ERICH6: variants seen among roughly 807,000 people sequenced by gnomAD.
ERICH6 encodes the protein glutamate rich 6.
In ERICH6, 71 loss-of-function variants were observed where a neutral mutation model predicts 71.0. The observed-to-expected ratio is 1.00, with a 90% CI of 0.83 to 1.22. ERICH6 has a LOEUF of 1.22. Among genes scored for constraint, ERICH6 ranks in the 50% most tolerant of loss-of-function variants. ERICH6 has a pLI of 0.00. For synonymous variants in ERICH6, 262 were observed against 278.4 expected, an observed-to-expected ratio of 0.94 and a Z score of 0.59; for missense variants, 808 against 797.2, an observed-to-expected ratio of 1.01 and a Z score of -0.16.
chr3:150,698,718 G>T, intron 3 of ERICH6, 73 bp downstream of exon 3: 2 of 1,240,032 alleles, frequency 1.6e-6, no homozygotes, highest in South Asian at 1.2e-5. Context: ...AGCTGTACTG[G>T]CCTTCTACAC....
At chr3:150,693,033 C>T (rs1414300019) in intron 3 of ERICH6, among the ~76,000 whole-genome samples, 1 of 152,048 alleles carries the variant, frequency 6.6e-6, no homozygotes, top group African/African-American at 2.4e-5. Context: ...TTGCTTAAAA[C>T]GTTGCTGATC....
At chr3:150,676,717 A>C (rs796812129) in intron 10 of ERICH6, among the ~76,000 whole-genome samples, 27 of 152,202 alleles carry the variant, frequency 1.8e-4, no homozygotes, top group African/African-American at 6.3e-4. Context: ...GCTCACTGCT[A>C]TCTCAAACCC....
In ERICH6 at chr3:150,666,894, C is replaced by G. The variant is rs748598903; in HGVS notation, c.1621G>C (p.Ala541Pro). ...PFVSFKPVFL[A>P]LNRYIGVRIL... is the part of the protein sequence containing the mutation. ...CGGACTCCAATATAACGGTTCAAAGCCAGAAAGACAGGTTTAAATGAAACA... is the reference window on the plus strand; with the variant it reads ...CGGACTCCAATATAACGGTTCAAAGGCAGAAAGACAGGTTTAAATGAAACA... The change falls in exon 13 of 14, where the codon GCT (alanine) becomes CCT (proline). Residue 541 changes from alanine (A) to proline (P), a missense_variant. By Grantham distance (27) the Ala-to-Pro change is conservative. This residue lies in a region of ERICH6 where 736 missense variants were observed against 712.2 expected (regional missense o/e 1.03). Transcript: ENST00000295910. 1 of 1,614,010 alleles carries G rather than the reference C, an allele frequency of 6.2e-7. No individual in the cohort carries two copies. Among genetic ancestry groups the G allele is most frequent in the Admixed American group, 1.7e-5 (1 of 60,004 alleles).
intron 10 of ERICH6, among the ~76,000 whole-genome samples, chr3:150,677,144 T>C (rs375877623): frequency 6.6e-6 from 1 of 152,158 alleles, no homozygotes; most frequent in South Asian, 2.1e-4. Context: ...GATTTTGCTA[T>C]GTTGCTCAGG....
In ERICH6 at chr3:150,666,911, A is replaced by G. The variant is rs1386652297; in HGVS notation, c.1604T>C (p.Phe535Ser). Residue 535 changes from phenylalanine to serine, a missense_variant, in exon 13 of 14, where the codon TTT becomes TCT. By Grantham distance (155) the Phe-to-Ser change is radical. Around this residue, in one of 3 missense-constraint regions of ERICH6, gnomAD observed 736 missense variants for 712.2 expected, o/e 1.03. Transcript: ENST00000295910. ...GTTCAAAGCCAGAAAGACAGGTTTA[A>G]ATGAAACAAAGGGTGAGGAAGTGAT... ...NSITSSPFVS[F>S]KPVFLALNRY... The G allele has an allele frequency of 6.2e-7, 1 of 1,614,190 alleles. No individual in the cohort carries two copies. The highest frequency in any genetic ancestry group is 1.7e-5 in the Admixed American group (1 of 60,022).
intron 3 of ERICH6, among the ~76,000 whole-genome samples, chr3:150,690,904 T>C (rs1258493192): frequency 6.6e-6 from 1 of 152,216 alleles, no homozygotes; most frequent in Non-Finnish European, 1.5e-5. Flanking sequence ...TTTAGTAAGA[T>C]TACCATAACT....
chr3:150,676,564 T>C (rs756915181), intron 10 of ERICH6, among the ~76,000 whole-genome samples: 1 of 152,190 alleles, frequency 6.6e-6, no homozygotes, highest in South Asian at 2.1e-4. Flanking sequence ...AAGGTGGAAT[T>C]AGTGACCGTC....
chr3:150,678,578 A>G (rs767326448), intron 9 of ERICH6, 24 bp from the exon 10 acceptor site: 1 of 1,560,900 alleles, frequency 6.4e-7, no homozygotes, highest in South Asian at 1.2e-5. Flanking sequence ...AATCACATAG[A>G]AATACATATA....
At position 150,702,019 on chromosome 3, in the gene ERICH6, C is replaced by T. The variant is rs1051565514; in HGVS notation, c.461+102G>A. On this transcript the variant is annotated intron_variant, in intron 2 of 13. Transcript: ENST00000295910. The stretch of plus-strand genomic sequence containing the variant: ...AAAAAACTTTTTAAAATAAGTAAGT[C>T]ACAAATGCCCTGGATTATTTTACTC... 1.1e-4 allele frequency: 92 copies of T among 806,098 alleles called. 2 individuals are homozygous for T. In the Middle Eastern group the frequency reaches 1.5e-3, roughly 13 times the overall value. The allele number at this position is 806,098 out of a possible 1,614,324, so 49.9% of individuals were successfully genotyped here.
chr3:150,663,519 A>G (rs971987343), intron 13 of ERICH6, among the ~76,000 whole-genome samples: 12 of 150,832 alleles, frequency 8.0e-5, no homozygotes, highest in African/African-American at 1.5e-4. Context: ...CAGCAGCACA[A>G]TCACGGCTCA....
At chr3:150,681,022 C>CCAT in intron 7 of ERICH6, 92 bp from the exon 8 acceptor site, 1 of 1,344,324 alleles carries the variant, frequency 7.4e-7, no homozygotes, top group Non-Finnish European at 1.0e-6. Flanking sequence ...GGATAACAAT[C>CCAT]CATCATAAGT....
intron 3 of ERICH6, among the ~76,000 whole-genome samples, chr3:150,689,876 A>G (rs1712354083): frequency 6.6e-6 from 1 of 152,226 alleles, no homozygotes; most frequent in Admixed American, 6.5e-5. Context: ...GAGTGTAAAC[A>G]GACAAGTTCA....
intron 11 of ERICH6, among the ~76,000 whole-genome samples, chr3:150,673,028 A>G (rs1457064634): frequency 6.6e-6 from 1 of 152,050 alleles, no homozygotes; most frequent in Non-Finnish European, 1.5e-5. Flanking sequence ...CTGTCTTAAA[A>G]AAACAATAGT....
At chr3:150,685,924 T>C (rs762910703) in intron 5 of ERICH6, 42 bp downstream of exon 5, 1 of 1,599,850 alleles carries the variant, frequency 6.3e-7, no homozygotes, top group Non-Finnish European at 8.6e-7. Context: ...CCATTTTTAC[T>C]ATGAGAACAG....
chr3:150,677,044 T>G (rs1319752643), intron 10 of ERICH6, among the ~76,000 whole-genome samples: 1 of 152,104 alleles, frequency 6.6e-6, no homozygotes, highest in Non-Finnish European at 1.5e-5. Context: ...ACTCCTGAGC[T>G]CACACATTCC....
intron 3 of ERICH6, among the ~76,000 whole-genome samples, chr3:150,689,189 C>T (rs1207166454): frequency 6.6e-6 from 1 of 152,052 alleles, no homozygotes; most frequent in African/African-American, 2.4e-5. Flanking sequence ...TTTTGCTGTA[C>T]AACTTCTCTT....
intron 12 of ERICH6, among the ~76,000 whole-genome samples, chr3:150,668,828 G>A (rs186783120): frequency 6.6e-6 from 1 of 152,284 alleles, no homozygotes; most frequent in Admixed American, 6.5e-5. Flanking sequence ...TTGTGTGTAT[G>A]TTACTCTTCT....
At position 150,686,029 on chromosome 3, in the gene ERICH6, G is replaced by C. The variant is rs776725443; in HGVS notation, c.611-8C>G. The C allele has an allele frequency of 6.3e-7, 1 of 1,592,316 alleles. No individual in the cohort carries two copies. The highest frequency in any genetic ancestry group is 8.6e-7 in the Non-Finnish European group (1 of 1,160,528). On this transcript the variant is annotated splice_polypyrimidine_tract_variant and splice_region_variant and intron_variant, in intron 4 of 13. Coordinates refer to ENST00000295910, the MANE Select transcript of ERICH6 (RefSeq NM_152394.5). The stretch of plus-strand genomic sequence containing the variant: ...GATTAATTACCCATTTTTCTGGAGA[G>C]AAAGAATAGATTCATAAGAAATGTT...
chr3:150,672,264 C>CATACATATATATATATAT (rs770361826), intron 11 of ERICH6, among the ~76,000 whole-genome samples: 1 of 123,620 alleles, frequency 8.1e-6, no homozygotes, highest in South Asian at 2.8e-4. Context: ...TTTATATATA[C>CATACATATATATATATAT]ATATATATAT....
Sources: allele counts gnomAD v4.1 joint callset (sites outside exome capture counted in the v4.1 genomes callset), GRCh38; gene constraint gnomAD v4.1.1; regional missense constraint gnomAD v4.1.1; transcripts MANE v1.5; gene names NCBI Gene and HGNC (gene_info 2026-07-23, HGNC 2026-07-21).